The following PPP1R13L variants were observed in gnomAD, a reference collection of about 807,000 sequenced individuals.
The protein encoded by PPP1R13L is protein phosphatase 1 regulatory subunit 13 like.
PPP1R13L carries 50 observed loss-of-function variants against 80.9 expected under a neutral mutation model. The observed-to-expected ratio is 0.62, with a 90% CI of 0.49 to 0.78. PPP1R13L has a LOEUF of 0.78. Among genes scored for constraint, PPP1R13L ranks in the 30% least tolerant of loss-of-function variants. The pLI, the probability that PPP1R13L is intolerant of heterozygous loss-of-function variation, is 0.00. For missense variants in PPP1R13L, 1,200 were observed against 1,205.9 expected, an observed-to-expected ratio of 1.00 and a Z score of 0.07; for synonymous variants, 602 against 534.3, an observed-to-expected ratio of 1.13 and a Z score of -1.75.
rs770216477 is a variant in PPP1R13L at position 45,384,366 on chromosome 19, CAAAAAAAA to C, written c.2248+1188_2248+1195del. 3.0e-4 allele frequency among the ~76,000 whole-genome samples: 27 copies of C among 91,288 alleles called. No individual in the cohort carries two copies. The East Asian group carries it at 8.1e-3, about 28-fold the overall frequency. The allele number at this position is 91,288 out of a possible 152,430, so 59.9% of individuals were successfully genotyped here. On this transcript the variant is annotated intron_variant, in intron 11 of 12. Transcript: ENST00000360957. Reference sequence around the variant, plus strand: ...CAAAACCCCGTCTCTACTAAAAATACAAAAAAAAAAAAAAAAAAAGTTAGCGGGCCGTG... The same window carrying C: ...CAAAACCCCGTCTCTACTAAAAATACAAAAAAAAAAAGTTAGCGGGCCGTG...
Position 45,385,561 on chromosome 19 carries a change from C to CCTG in PPP1R13L, c.2246_2248dup (p.Ala749dup). 3 of 1,609,472 alleles carry CCTG rather than the reference C, an allele frequency of 1.9e-6. No homozygotes were observed. The highest frequency in any genetic ancestry group is 2.5e-6 in the Non-Finnish European group (3 of 1,177,536). On this transcript the variant is annotated inframe_insertion and splice_region_variant. Coordinates refer to ENST00000360957, the MANE Select transcript of PPP1R13L (RefSeq NM_006663.4). ...CAGGCGCCAGCAGCCCTGCCTCGCA[C>CCTG]CTGCCAGGTAGGTGGCGCAGTCAGC...
In PPP1R13L at chr19:45,380,010, A is replaced by C; in HGVS notation, c.*180T>G. ...CTCCCAAGGCTAAGGCAGATTACTA[A>C]ATTTAAGGCTGGGGCCCTCCTTCTT... is the stretch of plus-strand genomic sequence containing the variant. On this transcript the variant is annotated 3_prime_UTR_variant, in exon 13 of 13. Transcript: ENST00000360957. 1.5e-6 allele frequency: 1 copy of C among 677,496 alleles called. No individual in the cohort carries two copies. Among genetic ancestry groups the C allele is most frequent in the Non-Finnish European group, 2.5e-6 (1 of 400,788 alleles). 42.0% of individuals were successfully genotyped at this position (677,496 alleles called of 1,614,324 possible). A position where few individuals can be genotyped will look rare whatever the true frequency, so the allele number is the denominator to read the frequency against.
chr19:45,396,099 T>C lies in PPP1R13L; in HGVS notation c.903+69A>G. On this transcript the variant is annotated intron_variant, in intron 6 of 12. Coordinates refer to ENST00000360957, the MANE Select transcript of PPP1R13L (RefSeq NM_006663.4). This position sits in a 1 kb window ranked among gnomAD's most constrained non-coding sequence, Gnocchi z 5.3. The stretch of plus-strand genomic sequence containing the variant: ...CGCAGCCCCGAGGGGGAGACTGGCC[T>C]TGACCCCGCTCCCCCACCCCACTCC... The C allele has an allele frequency of 6.6e-7, 1 of 1,508,626 alleles. No homozygotes were observed. Among genetic ancestry groups the C allele is most frequent in the Non-Finnish European group, 8.9e-7 (1 of 1,118,716 alleles). The allele number at this position is 1,508,626 out of a possible 1,614,324, so 93.5% of individuals were successfully genotyped here. A position where few individuals can be genotyped will look rare whatever the true frequency, so the allele number is the denominator to read the frequency against.
At chr19:45,389,474 T>G (rs1344316147) in intron 8 of PPP1R13L, among the ~76,000 whole-genome samples, 1 of 152,164 alleles carries the variant, frequency 6.6e-6, no homozygotes, top group Non-Finnish European at 1.5e-5. Flanking sequence ...TAAGAGCAGT[T>G]AACAGTTATG....
intron 1 of PPP1R13L, among the ~76,000 whole-genome samples, chr19:45,403,897 C>G (rs577168736): frequency 4.6e-5 from 7 of 151,950 alleles, no homozygotes; most frequent in Admixed American, 2.6e-4. Flanking sequence ...GTCCTGCCCT[C>G]CCCCCGCCTC....
rs1157192267 is a variant in PPP1R13L, at chr19:45,385,551, C to G, written c.2248+11G>C. 4 of 1,605,622 alleles carry G rather than the reference C, an allele frequency of 2.5e-6. No homozygotes were observed. The highest frequency in any genetic ancestry group is 1.7e-6 in the Non-Finnish European group (2 of 1,175,176). ...GCCAGGTACCCAGGCGCCAGCAGCC[C>G]TGCCTCGCACCTGCCAGGTAGGTGG... On this transcript the variant is annotated intron_variant, in intron 11 of 12. Coordinates refer to ENST00000360957, the MANE Select transcript of PPP1R13L (RefSeq NM_006663.4).
chr19:45,395,427 C>A lies in PPP1R13L; in HGVS notation c.1354+9G>T, dbSNP rs1298618759. 1 of 1,549,780 alleles carries A rather than the reference C, an allele frequency of 6.5e-7. No homozygotes were observed. On this transcript the variant is annotated intron_variant, in intron 7 of 12. Transcript: ENST00000360957. ...ACCCAGTCCTCTAGGGCCCTCATTG[C>A]TGACTCACCTTCGTTCACAGGGGGC...
chr19:45,392,373 T>G (rs369944990), intron 7 of PPP1R13L, 33 bp from the exon 8 acceptor site: 78 of 1,600,466 alleles, frequency 4.9e-5, no homozygotes, highest in Non-Finnish European at 6.2e-5. Flanking sequence ...AGAGGACAGG[T>G]CCCCAGGAGA....
In PPP1R13L at chr19:45,396,962, G is replaced by A; in HGVS notation, c.295C>T (p.Arg99Ter). Residue 99 changes from arginine to a stop codon, truncating the protein, a stop_gained, in exon 4 of 13, where the codon CGA becomes TGA. Coordinates refer to ENST00000360957, the MANE Select transcript of PPP1R13L (RefSeq NM_006663.4). LOFTEE classifies it high-confidence loss of function. The surrounding 1 kb of genome is among the most constrained non-coding windows in gnomAD (Gnocchi z 5.3). The part of the protein sequence containing the change: ...ATDGADTPFG[R>*]SESAPTLHPY... ...TGTAGGGTTGGGGCACTCTCTGATC[G>A]TCCGAACGGGGTGTCTGCGCCGTCG... 1 of 1,409,798 alleles carries A rather than the reference G, an allele frequency of 7.1e-7. No individual in the cohort carries two copies. Among genetic ancestry groups the A allele is most frequent in the East Asian group, 2.8e-5 (1 of 36,202 alleles). The allele number at this position is 1,409,798 out of a possible 1,614,324, so 87.3% of individuals were successfully genotyped here.
chr19:45,399,363 G>A (rs1259132806), intron 1 of PPP1R13L, among the ~76,000 whole-genome samples: 1 of 143,948 alleles, frequency 6.9e-6, no homozygotes, highest in African/African-American at 2.6e-5. Context: ...GGTGGCTCAC[G>A]CCTGTAATTC....
At chr19:45,384,449 C>T (rs948347841) in intron 11 of PPP1R13L, among the ~76,000 whole-genome samples, 7 of 151,006 alleles carry the variant, frequency 4.6e-5, no homozygotes, top group Non-Finnish European at 1.0e-4. Context: ...GCAGGAGAAT[C>T]GCTTTCACCG....
At position 45,395,475 on chromosome 19, in the gene PPP1R13L, G is replaced by C. The variant is rs1463859185; in HGVS notation, c.1315C>G (p.Pro439Ala). Residue 439 changes from proline (P) to alanine (A), a missense_variant, in exon 7 of 13, where the codon CCC becomes GCC. By Grantham distance (27) the Pro-to-Ala change is conservative. Around this residue, in one of 5 missense-constraint regions of PPP1R13L, gnomAD observed 764 missense variants for 714.5 expected, o/e 1.07. Coordinates refer to ENST00000360957, the MANE Select transcript of PPP1R13L (RefSeq NM_006663.4). ...QTQPQTPTPA[P>A]QHPQQTWPPV... ...GGCCATGTCTGTTGGGGATGCTGGG[G>C]GGCTGGGGTAGGGGTTTGGGGTTGG... is the stretch of plus-strand genomic sequence containing the variant. 3 of 1,520,990 alleles carry C rather than the reference G, an allele frequency of 2.0e-6. No individual in the cohort carries two copies. The highest frequency in any genetic ancestry group is 1.4e-5 in the African/African-American group (1 of 72,748). The allele number at this position is 1,520,990 out of a possible 1,614,324, so 94.2% of individuals were successfully genotyped here. A position where few individuals can be genotyped will look rare whatever the true frequency, so the allele number is the denominator to read the frequency against.
In PPP1R13L at chr19:45,394,995, G is replaced by A. The variant is rs556026349; in HGVS notation, c.1354+441C>T. ...CTCCCAAGTAGCTGGGACTACAGGC[G>A]CCCGCCACCATGCCTGGCTAATTTT... On this transcript the variant is annotated intron_variant, in intron 7 of 12. Coordinates refer to ENST00000360957, the MANE Select transcript of PPP1R13L (RefSeq NM_006663.4). 5.6e-4 allele frequency: 89 copies of A among 159,510 alleles called. No homozygotes were observed. In the Middle Eastern group the frequency reaches 8.8e-3, roughly 16 times the overall value. 9.9% of individuals were successfully genotyped at this position (159,510 alleles called of 1,614,324 possible).
Position 45,396,435 on chromosome 19 carries a change from G to T in PPP1R13L, c.714C>A (p.Asp238Glu). Residue 238 changes from aspartate (D) to glutamate (E), a missense_variant and splice_region_variant, in exon 5 of 13, where the codon GAC becomes GAA. Coordinates refer to ENST00000360957, the MANE Select transcript of PPP1R13L (RefSeq NM_006663.4). This position sits in a 1 kb window ranked among gnomAD's most constrained non-coding sequence, Gnocchi z 5.3. ...SAFAPPLRAQ[D>E]DLTLRRRPPK... is the part of the protein sequence containing the mutation. Reference sequence around the variant, plus strand: ...GAGGCCGCCGGCGCAGCGTCAGGTCGTCTGGGGAGAAGTTTCCAGGGAGGA... The same window carrying T: ...GAGGCCGCCGGCGCAGCGTCAGGTCTTCTGGGGAGAAGTTTCCAGGGAGGA... 2 of 1,613,992 alleles carry T rather than the reference G, an allele frequency of 1.2e-6. No individual in the cohort carries two copies. Among genetic ancestry groups the T allele is most frequent in the Non-Finnish European group, 8.5e-7 (1 of 1,179,960 alleles).
chr19:45,399,865 C>T (rs930816735), intron 1 of PPP1R13L, among the ~76,000 whole-genome samples: 2 of 151,742 alleles, frequency 1.3e-5, no homozygotes, highest in Non-Finnish European at 1.5e-5. Flanking sequence ...ACAAGGCTCA[C>T]TTGAACCTGG....
chr19:45,380,615 C>G (rs964599739), intron 12 of PPP1R13L, among the ~76,000 whole-genome samples: 2 of 151,998 alleles, frequency 1.3e-5, no homozygotes, highest in Non-Finnish European at 2.9e-5. Flanking sequence ...CTCAGGAGTT[C>G]AAGACAAGCC....
In PPP1R13L at chr19:45,380,108, G is replaced by T. The variant is rs1016495636; in HGVS notation, c.*82C>A. Reference sequence around the variant, plus strand: ...AGCAGGGTGAGGGGTGCAGATAAAGGCAGCAAAAAACAGAGGGAGAGGTCT... The same window carrying T: ...AGCAGGGTGAGGGGTGCAGATAAAGTCAGCAAAAAACAGAGGGAGAGGTCT... On this transcript the variant is annotated 3_prime_UTR_variant, in exon 13 of 13. Transcript: ENST00000360957. The T allele has an allele frequency of 7.3e-6, 11 of 1,502,846 alleles. No homozygotes were observed. Among genetic ancestry groups the T allele is most frequent in the African/African-American group, 1.4e-5 (1 of 72,458 alleles). 93.1% of individuals were successfully genotyped at this position (1,502,846 alleles called of 1,614,324 possible).
At chr19:45,398,941 A>G (rs1973172659) in intron 1 of PPP1R13L, among the ~76,000 whole-genome samples, 2 of 149,158 alleles carry the variant, frequency 1.3e-5, no homozygotes. Flanking sequence ...ACTGTGCTAG[A>G]TCCTGTTTTT....
In PPP1R13L at chr19:45,393,407, A is replaced by G. The variant is rs900200796; in HGVS notation, c.1355-1067T>C. Among the ~76,000 whole-genome samples the G allele has an allele frequency of 1.3e-4, 19 of 151,322 alleles. No individual in the cohort carries two copies. The South Asian group carries it at 1.7e-3, about 13-fold the overall frequency. On this transcript the variant is annotated intron_variant, in intron 7 of 12. Coordinates refer to ENST00000360957, the MANE Select transcript of PPP1R13L (RefSeq NM_006663.4). ...GGGGTTCGAGACCAGCCTGGCCAAC[A>G]TGGCAAAACCTCATCTCTACTAAAA... is the stretch of plus-strand genomic sequence containing the variant.
Sources: allele counts gnomAD v4.1 joint callset (sites outside exome capture counted in the v4.1 genomes callset), GRCh38; gene constraint gnomAD v4.1.1; regional missense constraint gnomAD v4.1.1; non-coding constraint Gnocchi (gnomAD v3.1); transcripts MANE v1.5; gene names NCBI Gene and HGNC (gene_info 2026-07-23, HGNC 2026-07-21).